Variants in NPAS3 observed in about 807,000 individuals in gnomAD.
NPAS3 encodes neuronal PAS domain-containing protein 3.
In NPAS3, 14 loss-of-function variants were observed where a neutral mutation model predicts 73.1. The ratio of observed to expected loss-of-function variants is 0.19; its 90% CI spans 0.13 to 0.30. The LOEUF (loss-of-function observed/expected upper bound fraction) is 0.30. Among genes scored for constraint, NPAS3 ranks in the 10% least tolerant of loss-of-function variants. NPAS3 has a pLI of 1.00. For missense variants in NPAS3, 1,096 were observed against 1,250.0 expected, an observed-to-expected ratio of 0.88 and a Z score of 1.86; for synonymous variants, 620 against 541.5, an observed-to-expected ratio of 1.14 and a Z score of -2.01.
In NPAS3 at chr14:33,595,731, C is replaced by T. The variant is rs923955732; in HGVS notation, c.558+35521C>T. ...TGTCGTCCAGGCTGGAGTGCAGTGG[C>T]GCGTTCTCGGCTCACTGCAAGATCC... On this transcript the variant is annotated intron_variant, in intron 5 of 11. Coordinates refer to ENST00000356141, the Ensembl canonical transcript of NPAS3. 4.6e-5 allele frequency among the ~76,000 whole-genome samples: 7 copies of T among 152,174 alleles called. 1 individual carries two copies. Among genetic ancestry groups the T allele is most frequent in the South Asian group, 4.2e-4 (2 of 4,818 alleles).
rs547699337 is a variant in NPAS3, at chr14:33,800,713, G to C, written c.2406G>C (p.Val802=). The C allele has an allele frequency of 6.6e-5, 103 of 1,549,422 alleles. No individual in the cohort carries two copies. Among genetic ancestry groups the C allele is most frequent in the Middle Eastern group, 4.0e-4 (2 of 4,940 alleles). Residue 802 remains valine, a synonymous_variant, in exon 12 of 12, where the codon GTG becomes GTC. Coordinates refer to ENST00000356141, the Ensembl canonical transcript of NPAS3. The surrounding 1 kb of genome is among the most constrained non-coding windows in gnomAD (Gnocchi z 6.5). ...AGAGGTTGCAGGCGGGCAACGTCGT[G>C]CTCCCGCTGGTGCACAGGGTGACCG...
chr14:33,196,852 C>T (rs76434939), intron 2 of NPAS3, among the ~76,000 whole-genome samples: 3,707 of 152,252 alleles, frequency 0.024, 73 homozygotes, highest in Middle Eastern at 0.048. Context: ...TCATCTCTCT[C>T]ACAATTTGTA....
At chr14:33,331,777 CTT>C (rs2043997494) in intron 3 of NPAS3, among the ~76,000 whole-genome samples, 1 of 152,160 alleles carries the variant, frequency 6.6e-6, no homozygotes, top group African/African-American at 2.4e-5. Context: ...TTCAGAGAGA[CTT>C]TTCACAGTTT....
At chr14:33,196,506 G>C (rs1262753156) in intron 2 of NPAS3, among the ~76,000 whole-genome samples, 2 of 152,210 alleles carry the variant, frequency 1.3e-5, no homozygotes, top group African/African-American at 4.8e-5. Context: ...TCTGGCTCAT[G>C]TGAGGATCTG....
At chr14:33,402,327 A>C (rs1003877940) in intron 4 of NPAS3, among the ~76,000 whole-genome samples, 2 of 152,124 alleles carry the variant, frequency 1.3e-5, no homozygotes, top group Non-Finnish European at 2.9e-5. Context: ...CAATCTCTTC[A>C]GTGTCAAAGT....
intron 4 of NPAS3, among the ~76,000 whole-genome samples, chr14:33,389,588 G>A (rs574885171): frequency 2.6e-5 from 4 of 152,230 alleles, no homozygotes; most frequent in South Asian, 2.1e-4. Context: ...TGAGTTTAGC[G>A]GGGGCTGTTG....
chr14:33,320,890 A>C (rs1382075867), intron 3 of NPAS3, among the ~76,000 whole-genome samples: 1 of 152,158 alleles, frequency 6.6e-6, no homozygotes, highest in Non-Finnish European at 1.5e-5. Flanking sequence ...AAAAAAAATT[A>C]GGAGATGACA....
intron 4 of NPAS3, among the ~76,000 whole-genome samples, chr14:33,493,750 C>T (rs567472052): frequency 6.5e-4 from 99 of 152,198 alleles, no homozygotes; most frequent in South Asian, 2.5e-3. Context: ...GATGAGAAGT[C>T]GCATGCCAAA....
intron 7 of NPAS3, among the ~76,000 whole-genome samples, chr14:33,739,582 G>T (rs1004471992): frequency 1.3e-5 from 2 of 152,104 alleles, no homozygotes; most frequent in Non-Finnish European, 2.9e-5. Flanking sequence ...CTTCATAGTT[G>T]CATATGCTCT....
intron 3 of NPAS3, among the ~76,000 whole-genome samples, chr14:33,358,699 G>A (rs771934307): frequency 5.9e-5 from 9 of 152,194 alleles, no homozygotes; most frequent in Non-Finnish European, 1.3e-4. Context: ...TGGAGGGTTA[G>A]GAGATGCCTT....
intron 4 of NPAS3, among the ~76,000 whole-genome samples, chr14:33,492,078 GC>G (rs752719445): frequency 1.3e-5 from 2 of 152,116 alleles, no homozygotes; most frequent in Non-Finnish European, 2.9e-5. Context: ...AAAGTGCTAT[GC>G]AAACATTCAG....
chr14:33,750,367 G>C (rs936699842), intron 7 of NPAS3, among the ~76,000 whole-genome samples: 2 of 152,096 alleles, frequency 1.3e-5, no homozygotes, highest in African/African-American at 2.4e-5. Flanking sequence ...AAAATGGAGA[G>C]ATTTATTACT....
At chr14:33,256,015 T>G (rs1299329967) in intron 3 of NPAS3, among the ~76,000 whole-genome samples, 1 of 152,198 alleles carries the variant, frequency 6.6e-6, no homozygotes, top group Non-Finnish European at 1.5e-5. Flanking sequence ...TGTCTAAATT[T>G]AAAATTACTC....
chr14:33,709,072 A>G (rs935743522), intron 6 of NPAS3, among the ~76,000 whole-genome samples: 1 of 152,212 alleles, frequency 6.6e-6, no homozygotes, highest in African/African-American at 2.4e-5. Context: ...TTACCCCCAT[A>G]TATTTATTGA....
intron 3 of NPAS3, among the ~76,000 whole-genome samples, chr14:33,234,919 G>A (rs1371895867): frequency 1.3e-5 from 2 of 152,020 alleles, no homozygotes. Context: ...CTGACAACTT[G>A]AATAGATACG....
chr14:33,436,455 A>G (rs1339826745), intron 4 of NPAS3, among the ~76,000 whole-genome samples: 1 of 152,230 alleles, frequency 6.6e-6, no homozygotes, highest in African/African-American at 2.4e-5. Flanking sequence ...TGTGGCATGT[A>G]CACATCAGTG....
intron 2 of NPAS3, among the ~76,000 whole-genome samples, chr14:33,203,349 ATAATT>A (rs1375066447): frequency 2.0e-5 from 3 of 152,048 alleles, no homozygotes; most frequent in Non-Finnish European, 4.4e-5. Context: ...GTTTTTTATT[ATAATT>A]TAAGTTTTAG....
intron 3 of NPAS3, among the ~76,000 whole-genome samples, chr14:33,237,240 A>G (rs2048064838): frequency 6.6e-6 from 1 of 152,046 alleles, no homozygotes; most frequent in African/African-American, 2.4e-5. Context: ...CTGATATTTC[A>G]TCATGCTCAT....
chr14:33,432,630 C>T (rs1458538896), intron 4 of NPAS3, among the ~76,000 whole-genome samples: 1 of 152,132 alleles, frequency 6.6e-6, no homozygotes, highest in African/African-American at 2.4e-5. Context: ...TGTGATATCA[C>T]ATGCACGCAT....
Sources: allele counts gnomAD v4.1 joint callset (sites outside exome capture counted in the v4.1 genomes callset), GRCh38; gene constraint gnomAD v4.1.1; non-coding constraint Gnocchi (gnomAD v3.1); transcripts MANE v1.5; gene names NCBI Gene and HGNC (gene_info 2026-07-23, HGNC 2026-07-21).